ZNF599: variants seen among roughly 807,000 people sequenced by gnomAD.
ZNF599 encodes the protein zinc finger protein 599.
A neutral mutation model predicts 11.7 loss-of-function variants in ZNF599; 10 were observed. That is an observed-to-expected ratio of 0.86 (90% CI 0.53 to 1.45). ZNF599 has a LOEUF of 1.45. Among genes scored for constraint, ZNF599 ranks in the 40% most tolerant of loss-of-function variants. The pLI is 0.00. For missense variants in ZNF599, 688 were observed against 713.6 expected (o/e 0.96, Z 0.41); for synonymous variants, 232 against 253.2 (o/e 0.92, Z 0.79).
At chr19:34,773,662 A>G (rs564354809), upstream of ZNF599, among the ~76,000 whole-genome samples, 1 of 152,180 alleles carries the variant, frequency 6.6e-6, no homozygotes, top group South Asian at 2.1e-4. Flanking sequence ...TTTGTTACCA[A>G]TGCAAGTTCT....
chr19:34,765,558 G>A (rs1248031589), intron 3 of ZNF599: 1 of 702,888 alleles, frequency 1.4e-6, no homozygotes, highest in Non-Finnish European at 2.6e-6. Flanking sequence ...ATACACCTGA[G>A]AAGGCAGAAA....
At position 34,773,014 on chromosome 19, in the gene ZNF599, T is replaced by A; in HGVS notation, c.-173A>T. The stretch of plus-strand genomic sequence containing the variant: ...TGCGCGCCGTGAGGACACAGGGCTG[T>A]CGCCAAGGCCCCAGGAAGGGTTTTG... On this transcript the variant is annotated 5_prime_UTR_variant, in exon 1 of 4. Coordinates refer to ENST00000329285, the MANE Select transcript of ZNF599 (RefSeq NM_001007248.3). The A allele has an allele frequency of 2.7e-6, 2 of 732,136 alleles. No individual in the cohort carries two copies. Among genetic ancestry groups the A allele is most frequent in the Non-Finnish European group, 4.1e-6 (2 of 481,930 alleles). The allele number at this position is 732,136 out of a possible 1,614,324, so 45.4% of individuals were successfully genotyped here. A position where few individuals can be genotyped will look rare whatever the true frequency, so the allele number is the denominator to read the frequency against.
chr19:34,770,734 G>A (rs2069178204), intron 1 of ZNF599, among the ~76,000 whole-genome samples: 1 of 152,222 alleles, frequency 6.6e-6, no homozygotes, highest in South Asian at 2.1e-4. Context: ...GTGAGAATGG[G>A]ATGTTGGCAT....
chr19:34,788,288 A>G, the ZNF599 span, among the ~76,000 whole-genome samples: 33 of 152,294 alleles, frequency 2.2e-4, no homozygotes, highest in African/African-American at 7.5e-4. Flanking sequence ...TTTCTGTGAC[A>G]ATCCCATCCA....
intron 3 of ZNF599, 35 bp from the exon 4 acceptor site, chr19:34,760,594 T>C (rs2069106779): frequency 1.3e-6 from 2 of 1,538,652 alleles, no homozygotes; most frequent in South Asian, 2.5e-5. Flanking sequence ...AACTGAACAT[T>C]AGTGATGTCA....
At chr19:34,792,862 C>CA in the ZNF599 span, among the ~76,000 whole-genome samples, 118 of 144,754 alleles carry the variant, frequency 8.2e-4, no homozygotes, top group African/African-American at 2.7e-3. Context: ...GACTCTGTCT[C>CA]AAAAAAAAAA....
At chr19:34,786,580 T>C in the ZNF599 span, among the ~76,000 whole-genome samples, 98 of 152,336 alleles carry the variant, frequency 6.4e-4, no homozygotes, top group African/African-American at 2.2e-3. Flanking sequence ...GAAGTGCCCC[T>C]TTCCTGGGTG....
At chr19:34,802,510 T>A in the ZNF599 span, among the ~76,000 whole-genome samples, 1 of 152,052 alleles carries the variant, frequency 6.6e-6, no homozygotes, top group Non-Finnish European at 1.5e-5. Context: ...CACAACACAG[T>A]ATGTGTGGGC....
upstream of ZNF599, among the ~76,000 whole-genome samples, chr19:34,776,207 T>A (rs949038504): frequency 1.3e-5 from 2 of 152,228 alleles, no homozygotes; most frequent in Non-Finnish European, 1.5e-5. Flanking sequence ...AAAATGTAAA[T>A]GTAACTTTAA....
chr19:34,794,030 A>T, the ZNF599 span, among the ~76,000 whole-genome samples: 2 of 152,336 alleles, frequency 1.3e-5, no homozygotes, highest in Admixed American at 1.3e-4. Flanking sequence ...CCTGACAATC[A>T]TGGCAGAAGG....
intron 3 of ZNF599, among the ~76,000 whole-genome samples, chr19:34,761,834 T>C (rs1355574803): frequency 5.3e-5 from 8 of 152,096 alleles, no homozygotes; most frequent in African/African-American, 1.7e-4. Flanking sequence ...ATTTTGTATA[T>C]AATAAAAATG....
At chr19:34,800,753 G>A in the ZNF599 span, among the ~76,000 whole-genome samples, 11 of 151,756 alleles carry the variant, frequency 7.2e-5, no homozygotes, top group South Asian at 2.1e-4. Context: ...GCACCACTAC[G>A]CCCTACTAAT....
chr19:34,778,033 G>GT (rs1217318866), upstream of ZNF599, among the ~76,000 whole-genome samples: 2 of 152,008 alleles, frequency 1.3e-5, no homozygotes, highest in Non-Finnish European at 2.9e-5. Flanking sequence ...TGATGGATGT[G>GT]TTTATTACCT....
upstream of ZNF599, among the ~76,000 whole-genome samples, chr19:34,773,629 A>G (rs2069200887): frequency 2.6e-5 from 4 of 152,288 alleles, no homozygotes; most frequent in South Asian, 8.3e-4. Context: ...TAATTTTCAG[A>G]TGACATCAGC....
upstream of ZNF599, among the ~76,000 whole-genome samples, chr19:34,776,696 G>A (rs1284002498): frequency 6.6e-6 from 1 of 152,190 alleles, no homozygotes; most frequent in East Asian, 1.9e-4. Context: ...GCTTCACCCA[G>A]GGAAGGATTC....
At chr19:34,787,529 C>T in the ZNF599 span, among the ~76,000 whole-genome samples, 1 of 152,184 alleles carries the variant, frequency 6.6e-6, no homozygotes, top group Non-Finnish European at 1.5e-5. Context: ...GGATTCAACG[C>T]TTGAGAACAT....
At chr19:34,805,600 C>G in the ZNF599 span, among the ~76,000 whole-genome samples, 1 of 152,098 alleles carries the variant, frequency 6.6e-6, no homozygotes, top group South Asian at 2.1e-4. Flanking sequence ...CAGATACCAC[C>G]AACACTTACT....
chr19:34,758,461 T>A lies in ZNF599; in HGVS notation c.*573A>T, dbSNP rs1450074455. ...TGGAACAATGAATACTTTTACTAAA[T>A]GTTGGCAGAGCTGCCCTCAATGGTC... On this transcript the variant is annotated 3_prime_UTR_variant, in exon 4 of 4. Coordinates refer to ENST00000329285, the MANE Select transcript of ZNF599 (RefSeq NM_001007248.3). 1 of 152,294 alleles carries A rather than the reference T, an allele frequency of 6.6e-6. No individual in the cohort carries two copies. The highest frequency in any genetic ancestry group is 1.9e-4 in the East Asian group (1 of 5,204). 9.4% of individuals were successfully genotyped at this position (152,294 alleles called of 1,614,324 possible).
chr19:34,785,627 T>TG, the ZNF599 span, among the ~76,000 whole-genome samples: 1 of 152,174 alleles, frequency 6.6e-6, no homozygotes, highest in Non-Finnish European at 1.5e-5. Context: ...AGTGGAGGTC[T>TG]GAGCAGCTGA....
Sources: gnomAD v4.1 joint callset for allele counts (sites outside exome capture counted in the v4.1 genomes callset) on GRCh38, gnomAD v4.1.1 for gene constraint, MANE v1.5 for transcripts, NCBI Gene and HGNC (gene_info 2026-07-23, HGNC 2026-07-21) for gene names.